Variants in SULF1 observed in about 807,000 individuals in gnomAD.
SULF1 encodes extracellular sulfatase Sulf-1.
A neutral mutation model predicts 110.5 loss-of-function variants in SULF1; 46 were observed. The observed-to-expected ratio is 0.42, with a 90% CI of 0.33 to 0.53. The LOEUF (loss-of-function observed/expected upper bound fraction) is 0.53. Among genes scored for constraint, SULF1 ranks in the 20% least tolerant of loss-of-function variants. SULF1 has a pLI of 0.12. For missense variants in SULF1, 941 were observed against 1,094.2 expected (o/e 0.86, Z 1.98); for synonymous variants, 371 against 387.1 (o/e 0.96, Z 0.49).
chr8:69,560,971 T>TTGG (rs1563531590), intron 3 of SULF1, among the ~76,000 whole-genome samples: 2 of 152,296 alleles, frequency 1.3e-5, no homozygotes, highest in East Asian at 3.9e-4. Flanking sequence ...GAATTGAATG[T>TTGG]TGGTGGTGGT....
At chr8:69,497,136 A>G (rs1297453650) in intron 2 of SULF1, among the ~76,000 whole-genome samples, 1 of 150,454 alleles carries the variant, frequency 6.6e-6, no homozygotes, top group African/African-American at 2.4e-5. Context: ...ACGGAAGCTA[A>G]AACAGAATGT....
intron 13 of SULF1, 29 bp downstream of exon 13, chr8:69,604,961 A>G: frequency 6.2e-7 from 1 of 1,607,274 alleles, no homozygotes; most frequent in Non-Finnish European, 8.5e-7. Flanking sequence ...CTTTACCACC[A>G]CTCATGTGCT....
At chr8:69,490,438 AT>A (rs1038619356), upstream of SULF1, among the ~76,000 whole-genome samples, 90 of 151,712 alleles carry the variant, frequency 5.9e-4, no homozygotes, top group East Asian at 1.5e-3. Context: ...GAGTTTAAAA[AT>A]TTTTTTTTAG....
Position 69,603,194 on chromosome 8 carries a change from T to A in SULF1, c.1064T>A (p.Val355Asp). The change falls in exon 11 of 23, where the codon GTC (valine) becomes GAC (aspartate). Residue 355 changes from valine (V) to aspartate (D), a missense_variant and splice_region_variant. By Grantham distance (152) the Val-to-Asp change is radical. This residue lies in a region of SULF1 where 822 missense variants were observed against 934.3 expected (regional missense o/e 0.88). Transcript: ENST00000402687. ...RGPSVEPGSI[V>D]PQIVLNIDLA... is the part of the protein sequence containing the mutation. ...CATCACCGTGTGCCCCTTTACAGAG[T>A]CCCACAGATCGTTCTCAACATTGAC... is the stretch of plus-strand genomic sequence containing the variant. 1 of 1,613,970 alleles carries A rather than the reference T, an allele frequency of 6.2e-7. No individual in the cohort carries two copies. Among genetic ancestry groups the A allele is most frequent in the Non-Finnish European group, 8.5e-7 (1 of 1,179,968 alleles).
intron 3 of SULF1, among the ~76,000 whole-genome samples, chr8:69,536,967 T>C (rs1813465262): frequency 6.6e-6 from 1 of 152,178 alleles, no homozygotes; most frequent in African/African-American, 2.4e-5. Context: ...AGTTGTAACC[T>C]TGGAAAAGCT....
intron 22 of SULF1, among the ~76,000 whole-genome samples, chr8:69,645,865 T>C (rs576506953): frequency 6.6e-6 from 1 of 152,134 alleles, no homozygotes; most frequent in Non-Finnish European, 1.5e-5. Context: ...GTTTTGACCA[T>C]GGGGGAGGAG....
chr8:69,510,809 G>C (rs529377543), intron 3 of SULF1, among the ~76,000 whole-genome samples: 2 of 152,084 alleles, frequency 1.3e-5, no homozygotes, highest in African/African-American at 2.4e-5. Context: ...TAGAGATGGG[G>C]TTTTGCCATA....
At chr8:69,628,973 C>G (rs1414261871) in intron 18 of SULF1, among the ~76,000 whole-genome samples, 3 of 152,142 alleles carry the variant, frequency 2.0e-5, no homozygotes, top group Non-Finnish European at 4.4e-5. Flanking sequence ...AAATGTTGGT[C>G]CTCTTAGGTT....
chr8:69,472,127 G>T (rs1260614285), intron 1 of SULF1, among the ~76,000 whole-genome samples: 1 of 152,064 alleles, frequency 6.6e-6, no homozygotes, highest in Non-Finnish European at 1.5e-5. Flanking sequence ...GAAGCATGAA[G>T]CCCTGGGTCC....
intron 8 of SULF1, among the ~76,000 whole-genome samples, chr8:69,589,730 G>T (rs1308682390): frequency 6.6e-6 from 1 of 152,080 alleles, no homozygotes; most frequent in Non-Finnish European, 1.5e-5. Flanking sequence ...CAAGGGAGAG[G>T]GCTGATGGCG....
chr8:69,485,787 G>C (rs900747404), intron 1 of SULF1, among the ~76,000 whole-genome samples: 3 of 152,116 alleles, frequency 2.0e-5, no homozygotes, highest in Non-Finnish European at 4.4e-5. Context: ...ATGCCTCTAC[G>C]TACTTACAAG....
At chr8:69,474,453 G>T (rs1399498820) in intron 1 of SULF1, among the ~76,000 whole-genome samples, 2 of 152,178 alleles carry the variant, frequency 1.3e-5, no homozygotes, top group Non-Finnish European at 2.9e-5. Flanking sequence ...CCTGTAAACA[G>T]ATGTGCTTTA....
chr8:69,521,288 ATAAT>A (rs1445934661), intron 3 of SULF1, among the ~76,000 whole-genome samples: 2 of 152,180 alleles, frequency 1.3e-5, no homozygotes, highest in Non-Finnish European at 2.9e-5. Flanking sequence ...ACTGCACAAA[ATAAT>A]TAGAGATCCC....
intron 22 of SULF1, among the ~76,000 whole-genome samples, chr8:69,649,501 C>A (rs567184246): frequency 6.6e-6 from 1 of 152,330 alleles, no homozygotes; most frequent in East Asian, 1.9e-4. Context: ...CCATATTCAT[C>A]ATTTTTTGCT....
Position 69,623,451 on chromosome 8 carries a change from A to G in SULF1, c.1595-491A>G, listed in dbSNP as rs138383735. 3.2e-4 allele frequency among the ~76,000 whole-genome samples: 49 copies of G among 152,342 alleles called. 1 individual carries two copies. In the East Asian group the frequency reaches 8.7e-3, roughly 27 times the overall value. On this transcript the variant is annotated intron_variant, in intron 14 of 22. Coordinates refer to ENST00000402687, the MANE Select transcript of SULF1 (RefSeq NM_001128205.2). Reference sequence around the variant, plus strand: ...TGTTTTTGTATGTAAGGGTTTTTATAATAATACCTGTCTTTCAAGACTCCA... The same window carrying G: ...TGTTTTTGTATGTAAGGGTTTTTATGATAATACCTGTCTTTCAAGACTCCA...
At chr8:69,577,149 G>A (rs1365538712) in intron 6 of SULF1, among the ~76,000 whole-genome samples, 1 of 152,216 alleles carries the variant, frequency 6.6e-6, no homozygotes, top group Non-Finnish European at 1.5e-5. Flanking sequence ...TCGACTCGAA[G>A]CAGCTCCTCC....
At chr8:69,546,136 C>A (rs182265314) in intron 3 of SULF1, among the ~76,000 whole-genome samples, 23 of 152,292 alleles carry the variant, frequency 1.5e-4, no homozygotes, top group Admixed American at 1.4e-3. Context: ...AAATTGGGAT[C>A]TTGTTCTAAA....
intron 12 of SULF1, among the ~76,000 whole-genome samples, chr8:69,604,130 A>G (rs1395666060): frequency 1.3e-5 from 2 of 152,244 alleles, no homozygotes; most frequent in Non-Finnish European, 2.9e-5. Context: ...TAAAATACCA[A>G]AAAAGCAAGA....
At chr8:69,511,154 A>G (rs544833071) in intron 3 of SULF1, among the ~76,000 whole-genome samples, 9 of 152,350 alleles carry the variant, frequency 5.9e-5, no homozygotes, top group Admixed American at 3.9e-4. Context: ...CACACTTGTG[A>G]CACTTATTGA....
Sources: gnomAD v4.1 joint callset for allele counts (sites outside exome capture counted in the v4.1 genomes callset) on GRCh38, gnomAD v4.1.1 for gene constraint, gnomAD v4.1.1 regional missense constraint, MANE v1.5 for transcripts, NCBI Gene and HGNC (gene_info 2026-07-23, HGNC 2026-07-21) for gene names.